Variants in TNK2 observed in about 807,000 individuals in gnomAD.
TNK2 encodes activated CDC42 kinase 1.
Under a neutral mutation model 101.8 loss-of-function variants are expected in TNK2, and 83 were observed. The ratio of observed to expected loss-of-function variants is 0.82; its 90% CI spans 0.68 to 0.98. TNK2 has a LOEUF of 0.98. TNK2 is among the 50% of genes least tolerant of loss of function. The probability of loss-of-function intolerance (pLI) is 0.00; values close to 1 mark genes in which losing one functional copy is unlikely to be tolerated. For synonymous variants in TNK2, 804 were observed against 633.0 expected (o/e 1.27, Z -4.06); for missense variants, 1,665 against 1,483.2 (o/e 1.12, Z -2.01).
At chr3:195,876,372 G>A (rs569367153) in intron 9 of TNK2, 69 of 454,498 alleles carry the variant, frequency 1.5e-4, no homozygotes, top group African/African-American at 1.1e-3. Context: ...AAGCCACGGC[G>A]AAGAGAAGGC....
At chr3:195,887,753 G>A (rs577336426) in intron 2 of TNK2, among the ~76,000 whole-genome samples, 23 of 150,570 alleles carry the variant, frequency 1.5e-4, no homozygotes, top group Non-Finnish European at 1.2e-4. Context: ...GTGTGCACAC[G>A]CGTGTGCGCA....
chr3:195,906,677 G>A (rs12494665), intron 1 of TNK2, among the ~76,000 whole-genome samples: 19,341 of 151,976 alleles, frequency 0.13, 1,677 homozygotes, highest in East Asian at 0.39. Context: ...GGTGGGGGTG[G>A]TTTCACGGGT....
intron 1 of TNK2, among the ~76,000 whole-genome samples, chr3:195,897,271 G>A (rs897718545): frequency 1.2e-4 from 18 of 152,200 alleles, no homozygotes; most frequent in African/African-American, 4.1e-4. Flanking sequence ...CCTTCAGGTC[G>A]GCTGGGCCTG....
chr3:195,875,885 GGCT>G (rs1748908518), intron 9 of TNK2, among the ~76,000 whole-genome samples: 1 of 152,208 alleles, frequency 6.6e-6, no homozygotes, highest in Non-Finnish European at 1.5e-5. Flanking sequence ...AACTGCCTAA[GGCT>G]GCCCCAGCTC....
chr3:195,867,643 C>T lies in TNK2; in HGVS notation c.2655G>A (p.Glu885=), dbSNP rs1467369796. The stretch of plus-strand genomic sequence containing the variant: ...CCTCACGCAGGAAGCGCTGGTAGCG[C>T]TCCAGGTAGGATGGTCGCTCGGGCA... ...YLLPERPSYL[E]RYQRFLREAQ... Residue 885 remains glutamate, a synonymous_variant, in exon 13 of 16, where the codon GAG becomes GAA. Coordinates refer to ENST00000672887, the MANE Select transcript of TNK2 (RefSeq NM_001382273.1). The T allele has an allele frequency of 1.3e-5, 21 of 1,602,802 alleles. No homozygotes were observed. The highest frequency in any genetic ancestry group is 6.7e-5 in the East Asian group (3 of 44,872).
rs570112030 is a variant in TNK2 at position 195,895,174 on chromosome 3, T to C, written c.-18-6568A>G. 652 of 1,399,096 alleles carry C rather than the reference T, an allele frequency of 4.7e-4. 3 individuals carry two copies. Among genetic ancestry groups the C allele is most frequent in the East Asian group, 2.0e-3 (71 of 35,234 alleles). 86.7% of individuals were successfully genotyped at this position (1,399,096 alleles called of 1,614,324 possible). On this transcript the variant is annotated intron_variant, in intron 1 of 15. Coordinates refer to ENST00000672887, the MANE Select transcript of TNK2 (RefSeq NM_001382273.1). Reference sequence around the variant, plus strand: ...CTGAGGCCGCCGCAGGGGGCAGGGCTGAGCCCGGCTCACAGCAGACGAAGG... The same window carrying C: ...CTGAGGCCGCCGCAGGGGGCAGGGCCGAGCCCGGCTCACAGCAGACGAAGG...
intron 1 of TNK2, among the ~76,000 whole-genome samples, chr3:195,906,168 C>T (rs537822023): frequency 3.3e-5 from 5 of 152,238 alleles, no homozygotes; most frequent in South Asian, 4.1e-4. Flanking sequence ...CTGACCACAT[C>T]GAGATGTGGA....
chr3:195,878,210 C>T lies in TNK2; in HGVS notation c.1256+43G>A. The T allele has an allele frequency of 1.9e-6, 3 of 1,604,370 alleles. No homozygotes were observed. Among genetic ancestry groups the T allele is most frequent in the Non-Finnish European group, 2.6e-6 (3 of 1,171,484 alleles). ...TCCACAGGTCCCTCCGACCTGTGCCCTTCAAGCGATCCCAGGGCGGGGCCC... is the reference window on the plus strand; with the variant it reads ...TCCACAGGTCCCTCCGACCTGTGCCTTTCAAGCGATCCCAGGGCGGGGCCC... On this transcript the variant is annotated intron_variant, in intron 9 of 15. Transcript: ENST00000672887. This position sits in a 1 kb window ranked among gnomAD's most constrained non-coding sequence, Gnocchi z 4.7.
intron 1 of TNK2, chr3:195,896,234 G>A (rs1486048668): frequency 2.5e-6 from 1 of 400,080 alleles, no homozygotes; most frequent in Admixed American, 2.9e-5. Context: ...CATTCTGGTG[G>A]CATCTGAAGC....
In TNK2 at chr3:195,878,177, C is replaced by T. The variant is rs1325838998; in HGVS notation, c.1256+76G>A. 2.7e-6 allele frequency: 4 copies of T among 1,494,776 alleles called. No homozygotes were observed. In the Admixed American group the frequency reaches 6.7e-5, roughly 25 times the overall value. 92.6% of individuals were successfully genotyped at this position (1,494,776 alleles called of 1,614,324 possible). ...GGCCAAGGGAATCTTGGAGGCCAAA[C>T]AGATCTGTCCACAGGTCCCTCCGAC... On this transcript the variant is annotated intron_variant, in intron 9 of 15. Transcript: ENST00000672887. This position sits in a 1 kb window ranked among gnomAD's most constrained non-coding sequence, Gnocchi z 4.7.
Position 195,882,125 on chromosome 3 carries a change from A to G in TNK2, c.813T>C (p.Phe271=). 3 of 1,613,850 alleles carry G rather than the reference A, an allele frequency of 1.9e-6. No individual in the cohort carries two copies. Among genetic ancestry groups the G allele is most frequent in the Non-Finnish European group, 2.5e-6 (3 of 1,180,012 alleles). Residue 271 remains phenylalanine (F), a synonymous_variant, in exon 6 of 16, where the codon TTT becomes TTC. Transcript: ENST00000672887. The surrounding 1 kb of genome is among the most constrained non-coding windows in gnomAD (Gnocchi z 4.2). ...TCTGAGGTAGTGCTCGCATCAGCCCAAAGTCCCCGATCTTGACCAGGTCGC... is the reference window on the plus strand; with the variant it reads ...TCTGAGGTAGTGCTCGCATCAGCCCGAAGTCCCCGATCTTGACCAGGTCGC... The part of the protein sequence containing the change: ...ATRDLVKIGD[F]GLMRALPQND...
At chr3:195,872,242 G>A (rs774387250) in intron 10 of TNK2, 34 bp downstream of exon 10, 13 of 1,610,768 alleles carry the variant, frequency 8.1e-6, no homozygotes, top group East Asian at 6.7e-5. Flanking sequence ...CCCGAGCGGG[G>A]CCAGGTCAGC....
chr3:195,869,473 G>A (rs981155207), intron 12 of TNK2, 24 bp downstream of exon 12: 6 of 1,549,542 alleles, frequency 3.9e-6, no homozygotes, highest in Non-Finnish European at 4.4e-6. Context: ...CGGGGGCCAA[G>A]GCATCGGAAG....
chr3:195,869,176 G>A, intron 12 of TNK2: 1 of 559,930 alleles, frequency 1.8e-6, no homozygotes, highest in Non-Finnish European at 3.2e-6. Flanking sequence ...ACAAAGCCCA[G>A]ACAGCGCCTG....
intron 1 of TNK2, among the ~76,000 whole-genome samples, chr3:195,903,784 G>A (rs1761465998): frequency 6.6e-6 from 1 of 152,054 alleles, no homozygotes. Context: ...GAAGCAACAG[G>A]CATAAAGATC....
Position 195,867,975 on chromosome 3 carries a change from G to A in TNK2, c.2323C>T (p.Pro775Ser), listed in dbSNP as rs1198407541. The A allele has an allele frequency of 3.2e-6, 5 of 1,549,892 alleles. No individual in the cohort carries two copies. The highest frequency in any genetic ancestry group is 1.7e-4 in the Middle Eastern group (1 of 5,876). The change falls in exon 13 of 16, where the codon CCC becomes TCC. Residue 775 changes from proline to serine, a missense_variant. Pro to Ser is a moderately conservative substitution (Grantham distance 74). Around this residue, in one of 3 missense-constraint regions of TNK2, gnomAD observed 1,136 missense variants for 894.9 expected, o/e 1.27. Transcript: ENST00000672887. ...TGGCTGGTCTCCTCCTCGCCCGGGGGGGCTGGAGACAGCTGGACGTGTGGG... is the reference window on the plus strand; with the variant it reads ...TGGCTGGTCTCCTCCTCGCCCGGGGAGGCTGGAGACAGCTGGACGTGTGGG... ...TRPHVQLSPA[P>S]PGEEETSQWP...
chr3:195,906,041 A>T (rs1761678263), intron 1 of TNK2, among the ~76,000 whole-genome samples: 1 of 152,186 alleles, frequency 6.6e-6, no homozygotes, highest in Admixed American at 6.5e-5. Context: ...CACCAAAGAC[A>T]TACGTATGGC....
chr3:195,877,848 G>A (rs1191089466), intron 9 of TNK2, among the ~76,000 whole-genome samples: 2 of 152,238 alleles, frequency 1.3e-5, no homozygotes, highest in African/African-American at 2.4e-5. Flanking sequence ...GGCAGGCTGG[G>A]CTGCTTCAGC....
At chr3:195,869,588 A>G in intron 11 of TNK2, 47 bp from the exon 12 acceptor site, 2 of 1,542,702 alleles carry the variant, frequency 1.3e-6, no homozygotes, top group Non-Finnish European at 1.8e-6. Context: ...GGAGCAGGAC[A>G]GAGGACAAAG....
Sources: allele counts gnomAD v4.1 joint callset (sites outside exome capture counted in the v4.1 genomes callset), GRCh38; gene constraint gnomAD v4.1.1; regional missense constraint gnomAD v4.1.1; non-coding constraint Gnocchi (gnomAD v3.1); transcripts MANE v1.5; gene names NCBI Gene and HGNC (gene_info 2026-07-23, HGNC 2026-07-21).